The following DMGDH variants were observed in gnomAD, a reference collection of about 807,000 sequenced individuals.
The protein encoded by DMGDH is dimethylglycine dehydrogenase, mitochondrial.
Under a neutral mutation model 95.2 loss-of-function variants are expected in DMGDH, and 76 were observed. The observed-to-expected ratio is 0.80, with a 90% CI of 0.66 to 0.97. DMGDH has a LOEUF of 0.97. Among genes scored for constraint, DMGDH ranks in the 50% least tolerant of loss-of-function variants. The pLI is 0.00. For synonymous variants in DMGDH, 345 were observed against 377.6 expected (o/e 0.91, Z 1.00); for missense variants, 987 against 1,055.0 (o/e 0.94, Z 0.89).
Position 79,054,362 on chromosome 5 carries a change from T to A in DMGDH, c.376-14A>T, listed in dbSNP as rs768791527. The A allele has an allele frequency of 1.9e-6, 3 of 1,613,778 alleles. No individual in the cohort carries two copies. Among genetic ancestry groups the A allele is most frequent in the South Asian group, 2.2e-5 (2 of 91,058 alleles). ...GAATCCCACCACCTGTGACAATAATTCCAGTGAGAGCATATAAATAAGTCA... is the reference window on the plus strand; with the variant it reads ...GAATCCCACCACCTGTGACAATAATACCAGTGAGAGCATATAAATAAGTCA... On this transcript the variant is annotated splice_polypyrimidine_tract_variant and intron_variant, in intron 3 of 15. Transcript: ENST00000255189.
intron 15 of DMGDH, among the ~76,000 whole-genome samples, chr5:79,003,474 G>A (rs1465510520): frequency 6.6e-6 from 1 of 152,198 alleles, no homozygotes; most frequent in Non-Finnish European, 1.5e-5. Context: ...GAGATAGGGA[G>A]AAAGGTAGCA....
intron 1 of DMGDH, among the ~76,000 whole-genome samples, chr5:79,064,182 G>A (rs557104067): frequency 2.6e-5 from 4 of 151,990 alleles, no homozygotes; most frequent in South Asian, 2.1e-4. Context: ...ACGAAGCCCC[G>A]TCTCTATAAA....
At chr5:79,010,751 C>T (rs1288396334) in intron 14 of DMGDH, among the ~76,000 whole-genome samples, 2 of 152,162 alleles carry the variant, frequency 1.3e-5, no homozygotes, top group African/African-American at 4.8e-5. Flanking sequence ...ATAAGGGAAT[C>T]CGTGTAACAT....
At chr5:79,011,980 C>T (rs1355811129) in intron 14 of DMGDH, among the ~76,000 whole-genome samples, 3 of 152,144 alleles carry the variant, frequency 2.0e-5, no homozygotes, top group Non-Finnish European at 4.4e-5. Flanking sequence ...ATCTCACATC[C>T]TTCTTATATT....
intron 11 of DMGDH, among the ~76,000 whole-genome samples, 198 bp from the exon 12 acceptor site, chr5:79,028,848 C>A (rs1754073705): frequency 6.6e-6 from 1 of 152,122 alleles, no homozygotes. Flanking sequence ...CTTTAAATCA[C>A]CCACTTATAA....
Position 79,042,315 on chromosome 5 carries a change from C to A in DMGDH, c.1161G>T (p.Gly387=), listed in dbSNP as rs776599468. 2.1e-5 allele frequency: 34 copies of A among 1,614,044 alleles called. No individual in the cohort carries two copies. Among genetic ancestry groups the A allele is most frequent in the Non-Finnish European group, 2.9e-5 (34 of 1,180,024 alleles). Residue 387 remains glycine (G), a synonymous_variant, in exon 7 of 16, where the codon GGG becomes GGT. Transcript: ENST00000255189. ...DILPMVGPHQ[G]VRNYWVAIGF... Reference sequence around the variant, plus strand: ...CTATAGCCACCCAGTAGTTTCTGACCCCCTGATGGGGCCCCACCATAGGCA... The same window carrying A: ...CTATAGCCACCCAGTAGTTTCTGACACCCTGATGGGGCCCCACCATAGGCA...
intron 14 of DMGDH, chr5:79,020,622 C>A: frequency 1.1e-6 from 1 of 947,670 alleles, no homozygotes; most frequent in Non-Finnish European, 1.3e-6. Flanking sequence ...AATATTTCTT[C>A]CAAAAGAGAC....
chr5:79,021,520 G>A (rs1753865890), intron 14 of DMGDH: 19 of 1,279,698 alleles, frequency 1.5e-5, no homozygotes, highest in Admixed American at 2.3e-5. Flanking sequence ...CCACTGCGCC[G>A]TCTCCCTTTG....
At chr5:79,045,845 G>A (rs1384982563) in intron 5 of DMGDH, among the ~76,000 whole-genome samples, 3 of 152,214 alleles carry the variant, frequency 2.0e-5, no homozygotes, top group Admixed American at 6.5e-5. Flanking sequence ...AAGCTAGACA[G>A]AGAATCATCA....
chr5:79,044,775 A>G (rs1754622590), intron 5 of DMGDH, among the ~76,000 whole-genome samples: 1 of 152,228 alleles, frequency 6.6e-6, no homozygotes, highest in Admixed American at 6.5e-5. Context: ...TCTGTGATCT[A>G]GGGGAACTCC....
intron 11 of DMGDH, among the ~76,000 whole-genome samples, 169 bp from the exon 12 acceptor site, chr5:79,028,819 G>T (rs528630536): frequency 6.6e-6 from 1 of 152,292 alleles, no homozygotes; most frequent in African/African-American, 2.4e-5. Context: ...AAGCCCCTGA[G>T]ATGTTAAGTG....
intron 7 of DMGDH, among the ~76,000 whole-genome samples, chr5:79,038,672 G>T (rs1328258474): frequency 6.6e-6 from 1 of 152,108 alleles, no homozygotes; most frequent in African/African-American, 2.4e-5. Flanking sequence ...TAAAACATTT[G>T]AGATTTACTA....
intron 10 of DMGDH, 38 bp from the exon 11 acceptor site, chr5:79,030,072 A>G: frequency 1.3e-6 from 2 of 1,567,470 alleles, no homozygotes; most frequent in South Asian, 2.3e-5. Flanking sequence ...AGGATGAACT[A>G]AAAATCACAT....
At chr5:79,041,891 T>C (rs1754519765) in intron 7 of DMGDH, among the ~76,000 whole-genome samples, 1 of 152,076 alleles carries the variant, frequency 6.6e-6, no homozygotes, top group African/African-American at 2.4e-5. Context: ...TCCCAGCTAC[T>C]GAGGAGGCTG....
In DMGDH at chr5:79,054,196, G is replaced by T. The variant is rs1379617804; in HGVS notation, c.528C>A (p.Leu176=). 1.9e-6 allele frequency: 3 copies of T among 1,613,950 alleles called. No individual in the cohort carries two copies. The highest frequency in any genetic ancestry group is 2.2e-5 in the East Asian group (1 of 44,870). Residue 176 remains leucine (L), a synonymous_variant, in exon 4 of 16, where the codon CTC becomes CTA. Coordinates refer to ENST00000255189, the MANE Select transcript of DMGDH (RefSeq NM_013391.3). ...TTAAGATAAATACCTTATTCATGTT[G>T]AGTAAAGGGAACATCTCTTGAATTT... ...PEKIQEMFPL[L]NMNKVLAGLY...
chr5:79,032,473 G>A (rs558780773), intron 9 of DMGDH, among the ~76,000 whole-genome samples: 13 of 152,292 alleles, frequency 8.5e-5, no homozygotes, highest in Non-Finnish European at 1.5e-4. Context: ...GCTGGCTATA[G>A]GACTCTCAGG....
At chr5:79,003,142 G>T (rs1247101726) in intron 15 of DMGDH, among the ~76,000 whole-genome samples, 1 of 152,178 alleles carries the variant, frequency 6.6e-6, no homozygotes, top group Non-Finnish European at 1.5e-5. Flanking sequence ...AAAACAGAAG[G>T]TTGGTGGAAG....
intron 10 of DMGDH, chr5:79,030,411 G>T (rs976305991): frequency 1.6e-5 from 4 of 249,436 alleles, no homozygotes; most frequent in Non-Finnish European, 3.1e-5. Flanking sequence ...CAGCACTTTG[G>T]GAGGCTGAGG....
chr5:79,029,819 C>T (rs540048739), intron 11 of DMGDH, 85 bp downstream of exon 11: 10 of 1,352,634 alleles, frequency 7.4e-6, no homozygotes, highest in East Asian at 2.4e-5. Context: ...GTTGTACTTT[C>T]GAGTACTGGT....
Sources: allele counts gnomAD v4.1 joint callset (sites outside exome capture counted in the v4.1 genomes callset), GRCh38; gene constraint gnomAD v4.1.1; transcripts MANE v1.5; gene names NCBI Gene and HGNC (gene_info 2026-07-23, HGNC 2026-07-21).